SRPX: variants seen among roughly 807,000 people sequenced by gnomAD.
The protein encoded by SRPX is sushi repeat-containing protein SRPX.
In SRPX, 24 loss-of-function variants were observed where a neutral mutation model predicts 38.1. The ratio of observed to expected loss-of-function variants is 0.63; its 90% confidence interval spans 0.46 to 0.89. The LOEUF is 0.89. SRPX is among the 40% of genes least tolerant of loss of function. The pLI is 0.00. For synonymous variants in SRPX, 184 were observed against 153.8 expected, an observed-to-expected ratio of 1.20 and a Z score of -1.45; for missense variants, 416 against 377.8, an observed-to-expected ratio of 1.10 and a Z score of -0.84.
At chrX:38,194,863 G>GTTTTTTTT (rs35179239) in intron 1 of SRPX, among the ~76,000 whole-genome samples, 3 of 53,679 alleles carry the variant, frequency 5.6e-5, no homozygotes, top group Non-Finnish European at 9.7e-5. Flanking sequence ...TTTGTTTTTG[G>GTTTTTTTT]TTTTTTTTTT....
At chrX:38,169,019 C>T (rs2147776240) in intron 4 of SRPX, among the ~76,000 whole-genome samples, 1 of 111,872 alleles carries the variant, frequency 8.9e-6, no homozygotes, top group African/African-American at 3.2e-5. Context: ...CTCTAAAAGT[C>T]AACATCTTCA....
intron 1 of SRPX, among the ~76,000 whole-genome samples, chrX:38,210,576 T>C (rs1215985740): frequency 9.0e-6 from 1 of 111,552 alleles, no homozygotes; most frequent in Non-Finnish European, 1.9e-5. Flanking sequence ...CCAGGAAGCA[T>C]TAAGAAATAT....
chrX:38,181,975 G>A (rs966157229), intron 1 of SRPX, among the ~76,000 whole-genome samples: 3 of 111,081 alleles, frequency 2.7e-5, no homozygotes, highest in Non-Finnish European at 3.8e-5. Flanking sequence ...CTCTTTTTCC[G>A]AATTGGTCTA....
intron 3 of SRPX, among the ~76,000 whole-genome samples, chrX:38,172,356 G>A (rs1284252674): frequency 2.7e-5 from 3 of 113,002 alleles, no homozygotes; most frequent in South Asian, 3.6e-4. Flanking sequence ...GGGAGGCTAC[G>A]GCAGGAGGAT....
chrX:38,171,029 C>CA (rs58720100), intron 4 of SRPX, among the ~76,000 whole-genome samples: 43,575 of 108,221 alleles, frequency 0.4, 6,775 homozygotes, highest in East Asian at 0.75. Flanking sequence ...ATCCTGCAAA[C>CA]AAAAAAAACA....
chrX:38,162,406 T>G (rs1453616745), intron 5 of SRPX, among the ~76,000 whole-genome samples: 2 of 111,885 alleles, frequency 1.8e-5, no homozygotes, highest in Non-Finnish European at 3.8e-5. Context: ...CCTGTTGGAG[T>G]GCATTCCCAC....
chrX:38,156,803 A>T, intron 8 of SRPX, 93 bp downstream of exon 8: 1 of 1,017,707 alleles, frequency 9.8e-7, no homozygotes, highest in Non-Finnish European at 1.3e-6. Flanking sequence ...TAAGTGCATT[A>T]GGCACTGAAT....
chrX:38,160,364 A>G (rs936456898), intron 6 of SRPX, among the ~76,000 whole-genome samples, 168 bp from the exon 7 acceptor site: 6 of 111,768 alleles, frequency 5.4e-5, no homozygotes, highest in African/African-American at 2.0e-4. Flanking sequence ...TGAGTCTTGC[A>G]ATGGTCACCA....
intron 5 of SRPX, 45 bp from the exon 6 acceptor site, chrX:38,161,099 C>T: frequency 8.4e-7 from 1 of 1,194,670 alleles, no homozygotes; most frequent in South Asian, 1.8e-5. Flanking sequence ...CATTATGGAC[C>T]TGACAAGCAA....
At chrX:38,206,632 C>A (rs1162817194) in intron 1 of SRPX, among the ~76,000 whole-genome samples, 1 of 111,689 alleles carries the variant, frequency 9.0e-6, no homozygotes, top group Non-Finnish European at 1.9e-5. Context: ...CACTCTAAGA[C>A]AAAGTACAAG....
intron 4 of SRPX, among the ~76,000 whole-genome samples, chrX:38,171,576 G>T (rs887725445): frequency 8.9e-6 from 1 of 111,781 alleles, no homozygotes; most frequent in Non-Finnish European, 1.9e-5. Flanking sequence ...CAATAACTTT[G>T]CTCAGGCCCC....
At chrX:38,176,308 T>C (rs748421300) in intron 2 of SRPX, among the ~76,000 whole-genome samples, 2 of 111,564 alleles carry the variant, frequency 1.8e-5, no homozygotes, top group East Asian at 5.6e-4. Flanking sequence ...TATATGATGG[T>C]ATTCCAAGCA....
Position 38,179,134 on chromosome X carries a change from C to T in SRPX, c.98-790G>A, listed in dbSNP as rs773312892. Among the ~76,000 whole-genome samples the T allele has an allele frequency of 3.1e-3, 337 of 109,630 alleles. 1 individual carries two copies. The highest frequency in any genetic ancestry group is 0.011 in the African/African-American group (322 of 30,125). ...GCTAATTTTGTATTTTTAGTAGAGACGGGATTTCTCCATGTTGGTCAGGCT... is the reference window on the plus strand; with the variant it reads ...GCTAATTTTGTATTTTTAGTAGAGATGGGATTTCTCCATGTTGGTCAGGCT... On this transcript the variant is annotated intron_variant, in intron 1 of 9. Transcript: ENST00000378533.
intron 1 of SRPX, among the ~76,000 whole-genome samples, chrX:38,208,848 CTTTTTTT>C (rs776432762): frequency 2.5e-5 from 2 of 79,573 alleles, no homozygotes; most frequent in Non-Finnish European, 4.9e-5. Flanking sequence ...TGACTAATTT[CTTTTTTT>C]TTTTTTTTTT....
chrX:38,178,139 A>G, intron 2 of SRPX, 146 bp downstream of exon 2: 1 of 344,814 alleles, frequency 2.9e-6, no homozygotes. Context: ...AAAAGGGAGT[A>G]TATATATATA....
rs1051928840 is a variant in SRPX, at chrX:38,183,153, A to G, written c.98-4809T>C. 3.7e-5 allele frequency among the ~76,000 whole-genome samples: 4 copies of G among 108,742 alleles called. No individual in the cohort carries two copies. The South Asian group carries it at 1.7e-3, about 45-fold the overall frequency. 94.4% of individuals were successfully genotyped at this position (108,742 alleles called of 115,157 possible). On this transcript the variant is annotated intron_variant, in intron 1 of 9. Transcript: ENST00000378533. The stretch of plus-strand genomic sequence containing the variant: ...ACTGCAGCCTCCATCTCCTGGGTCC[A>G]AGAGATTCTCGTGCCTCAGCCTACT...
chrX:38,184,416 T>C (rs935624285), intron 1 of SRPX, among the ~76,000 whole-genome samples: 3 of 111,901 alleles, frequency 2.7e-5, no homozygotes, highest in Non-Finnish European at 5.6e-5. Flanking sequence ...AAGAAGCATA[T>C]TTAATAGTAA....
rs761135225 is a variant in SRPX, at chrX:38,181,069, C to T, written c.98-2725G>A. Among the ~76,000 whole-genome samples the T allele has an allele frequency of 1.2e-4, 14 of 112,149 alleles. No individual in the cohort carries two copies. The East Asian group carries it at 1.4e-3, about 11-fold the overall frequency. ...TTGTTGGGAAATACAAAGATATGTA[C>T]GGTAATTTTTAACAAAGCAAGGAGA... On this transcript the variant is annotated intron_variant, in intron 1 of 9. Coordinates refer to ENST00000378533, the MANE Select transcript of SRPX (RefSeq NM_006307.5).
intron 1 of SRPX, among the ~76,000 whole-genome samples, chrX:38,213,430 G>GCTCAA (rs1939370792): frequency 1.8e-5 from 2 of 111,816 alleles, no homozygotes; most frequent in Non-Finnish European, 3.8e-5. Flanking sequence ...ATGGTATAGA[G>GCTCAA]AGGAAGCATT....
Sources: gnomAD v4.1 joint callset for allele counts (sites outside exome capture counted in the v4.1 genomes callset) on GRCh38, gnomAD v4.1.1 for gene constraint, MANE v1.5 for transcripts, NCBI Gene and HGNC (gene_info 2026-07-23, HGNC 2026-07-21) for gene names.